Variants in STAP1 observed in about 807,000 individuals in gnomAD.
The protein encoded by STAP1 is signal transducing adaptor family member 1, also known as signal-transducing adaptor protein 1.
In STAP1, 30 loss-of-function variants were observed where a neutral mutation model predicts 37.8. The observed-to-expected ratio is 0.79, with a 90% CI of 0.59 to 1.08. The LOEUF (loss-of-function observed/expected upper bound fraction) is 1.08. STAP1 is among the 50% of genes least tolerant of loss of function. The probability of loss-of-function intolerance (pLI) is 0.00; values close to 1 mark genes in which losing one functional copy is unlikely to be tolerated. For synonymous variants in STAP1, 130 were observed against 116.0 expected (o/e 1.12, Z -0.78); for missense variants, 357 against 349.4 (o/e 1.02, Z -0.17).
At chr4:67,570,791 A>G (rs1316203351) in intron 1 of STAP1, among the ~76,000 whole-genome samples, 2 of 151,958 alleles carry the variant, frequency 1.3e-5, no homozygotes, top group Admixed American at 6.6e-5. Flanking sequence ...TAAGCCAGGT[A>G]TGGTGGCATA....
At chr4:67,588,039 T>TAAAAAA (rs3032636) in intron 6 of STAP1, among the ~76,000 whole-genome samples, 1,852 of 85,588 alleles carry the variant, frequency 0.022, 107 homozygotes, top group African/African-American at 0.025. Context: ...CACATTTTCT[T>TAAAAAA]AAAAAAAAAA....
chr4:67,583,431 T>A (rs534819718), intron 5 of STAP1, 143 bp from the exon 6 acceptor site: 1 of 817,822 alleles, frequency 1.2e-6, no homozygotes, highest in South Asian at 1.9e-5. Context: ...AGCATTGTAA[T>A]TACATAATTG....
At chr4:67,569,159 T>C (rs1022246301) in intron 1 of STAP1, among the ~76,000 whole-genome samples, 1 of 152,248 alleles carries the variant, frequency 6.6e-6, no homozygotes, top group Non-Finnish European at 1.5e-5. Flanking sequence ...TATTAAATAC[T>C]GTAGGCAATT....
chr4:67,601,004 TTTTGTTACTTG>T (rs960321151), intron 8 of STAP1, among the ~76,000 whole-genome samples: 10 of 152,168 alleles, frequency 6.6e-5, no homozygotes, highest in African/African-American at 2.4e-4. Context: ...ACTACTGCCA[TTTTGTTACTTG>T]TTTTCTCATT....
At chr4:67,593,452 A>T in intron 8 of STAP1, 96 bp downstream of exon 8, 1 of 826,724 alleles carries the variant, frequency 1.2e-6, no homozygotes, top group Non-Finnish European at 1.9e-6. Context: ...CCAGCCAGGC[A>T]GGAACTGTAG....
rs148399438 is a variant in STAP1, at chr4:67,561,729, T to C, written c.120+2800T>C. Among the ~76,000 whole-genome samples the C allele has an allele frequency of 3.2e-3, 482 of 152,296 alleles. 3 individuals carry two copies. Among genetic ancestry groups the C allele is most frequent in the African/African-American group, 0.011 (462 of 41,568 alleles). On this transcript the variant is annotated intron_variant, in intron 1 of 8. Coordinates refer to ENST00000265404, the MANE Select transcript of STAP1 (RefSeq NM_012108.4). ...TGGAATACCATTGGCATCGCAGTTC[T>C]TACAAATGGGAAAATTTCTCATTTT...
intron 4 of STAP1, among the ~76,000 whole-genome samples, chr4:67,580,698 A>G (rs1405717935): frequency 1.3e-5 from 2 of 152,248 alleles, no homozygotes; most frequent in African/African-American, 2.4e-5. Flanking sequence ...AAGGACATAT[A>G]TAGGTGAGTC....
At chr4:67,570,118 C>G (rs950574846) in intron 1 of STAP1, among the ~76,000 whole-genome samples, 1 of 152,118 alleles carries the variant, frequency 6.6e-6, no homozygotes, top group Non-Finnish European at 1.5e-5. Context: ...TCCTGAAGAA[C>G]ATGCTTGAGG....
chr4:67,580,649 C>T (rs1293235523), intron 4 of STAP1, among the ~76,000 whole-genome samples: 1 of 152,124 alleles, frequency 6.6e-6, no homozygotes, highest in African/African-American at 2.4e-5. Flanking sequence ...CAGAGCTGGT[C>T]ATAATGAGGT....
In STAP1 at chr4:67,581,945, G is replaced by A. The variant is rs547469749; in HGVS notation, c.530+474G>A. ...ATGTTTAAGGTGTTGGAAAAATAAAGAAGTGCAGAAAATGCTAAATTCACC... is the reference window on the plus strand; with the variant it reads ...ATGTTTAAGGTGTTGGAAAAATAAAAAAGTGCAGAAAATGCTAAATTCACC... On this transcript the variant is annotated intron_variant, in intron 5 of 8. Coordinates refer to ENST00000265404, the MANE Select transcript of STAP1 (RefSeq NM_012108.4). Among the ~76,000 whole-genome samples the A allele has an allele frequency of 2.6e-5, 4 of 152,168 alleles. No homozygotes were observed. In the South Asian group the frequency reaches 8.3e-4, roughly 32 times the overall value.
In STAP1 at chr4:67,607,193, G is replaced by C. The variant is rs1457646200; in HGVS notation, c.*836G>C. 6.6e-6 allele frequency: 1 copy of C among 152,124 alleles called. No homozygotes were observed. Among genetic ancestry groups the C allele is most frequent in the Non-Finnish European group, 1.5e-5 (1 of 68,028 alleles). The allele number at this position is 152,124 out of a possible 1,614,324, so 9.4% of individuals were successfully genotyped here. ...GAAAAGATATGGTCTATATTCTACAGGGGAAAGACTATGTGAGACAGAGGG... is the reference window on the plus strand; with the variant it reads ...GAAAAGATATGGTCTATATTCTACACGGGAAAGACTATGTGAGACAGAGGG... On this transcript the variant is annotated 3_prime_UTR_variant, in exon 9 of 9. Coordinates refer to ENST00000265404, the MANE Select transcript of STAP1 (RefSeq NM_012108.4).
At chr4:67,561,691 T>C (rs568151285) in intron 1 of STAP1, among the ~76,000 whole-genome samples, 28 of 152,298 alleles carry the variant, frequency 1.8e-4, no homozygotes, top group African/African-American at 6.5e-4. Context: ...ATCAAAGCTG[T>C]TAAATGCCAC....
intron 2 of STAP1, among the ~76,000 whole-genome samples, chr4:67,573,384 A>G (rs753992978): frequency 6.6e-6 from 1 of 152,194 alleles, no homozygotes; most frequent in Non-Finnish European, 1.5e-5. Context: ...GATGACCTTT[A>G]AGCCTCTTCA....
At chr4:67,562,734 T>G (rs988989728) in intron 1 of STAP1, among the ~76,000 whole-genome samples, 4 of 151,920 alleles carry the variant, frequency 2.6e-5, no homozygotes, top group Non-Finnish European at 5.9e-5. Flanking sequence ...ATTGCGCCAT[T>G]GCACTCCAAC....
At chr4:67,601,917 T>C (rs1474705862) in intron 8 of STAP1, among the ~76,000 whole-genome samples, 1 of 152,190 alleles carries the variant, frequency 6.6e-6, no homozygotes, top group African/African-American at 2.4e-5. Flanking sequence ...CTGTTATTCC[T>C]TTGAATAAAC....
intron 8 of STAP1, among the ~76,000 whole-genome samples, chr4:67,596,687 G>A (rs2109875571): frequency 6.6e-6 from 1 of 152,304 alleles, no homozygotes; most frequent in East Asian, 1.9e-4. Context: ...AAAGAGACTT[G>A]TGGCATTTTG....
At chr4:67,566,131 A>G (rs949413497) in intron 1 of STAP1, among the ~76,000 whole-genome samples, 1 of 151,698 alleles carries the variant, frequency 6.6e-6, no homozygotes, top group Non-Finnish European at 1.5e-5. Flanking sequence ...TATTTTTAGT[A>G]GATACAGGGT....
Position 67,558,730 on chromosome 4 carries a change from C to A in STAP1, c.-80C>A. 6.5e-7 allele frequency: 1 copy of A among 1,543,706 alleles called. No individual in the cohort carries two copies. Among genetic ancestry groups the A allele is most frequent in the Non-Finnish European group, 8.7e-7 (1 of 1,146,224 alleles). Reference sequence around the variant, plus strand: ...AGCAATTTGGGACTTCCTCTTTGAACAGTTGCCTTTTCCTCTCACAGAAGG... The same window carrying A: ...AGCAATTTGGGACTTCCTCTTTGAAAAGTTGCCTTTTCCTCTCACAGAAGG... On this transcript the variant is annotated 5_prime_UTR_variant, in exon 1 of 9. Transcript: ENST00000265404.
rs905834767 is a variant in STAP1, at chr4:67,606,682, A to G, written c.*325A>G. On this transcript the variant is annotated 3_prime_UTR_variant, in exon 9 of 9. Coordinates refer to ENST00000265404, the MANE Select transcript of STAP1 (RefSeq NM_012108.4). The stretch of plus-strand genomic sequence containing the variant: ...CCTCAATGAAATACATTTCCCCTAT[A>G]TAATTCCAACAGCAGTTTCTCTAGT... 4.6e-4 allele frequency: 85 copies of G among 184,552 alleles called. No homozygotes were observed. Among genetic ancestry groups the G allele is most frequent in the African/African-American group, 1.8e-3 (77 of 43,034 alleles). The allele number at this position is 184,552 out of a possible 1,614,324, so 11.4% of individuals were successfully genotyped here. A position where few individuals can be genotyped will look rare whatever the true frequency, so the allele number is the denominator to read the frequency against.
Sources: allele counts gnomAD v4.1 joint callset (sites outside exome capture counted in the v4.1 genomes callset), GRCh38; gene constraint gnomAD v4.1.1; transcripts MANE v1.5; gene names NCBI Gene and HGNC (gene_info 2026-07-23, HGNC 2026-07-21).